Variants in CYP26B1 observed in about 807,000 individuals in gnomAD.
CYP26B1 encodes the protein cytochrome P450 26B1.
In CYP26B1, 8 loss-of-function variants were observed where a neutral mutation model predicts 39.1. That is an observed-to-expected ratio of 0.20 (90% confidence interval 0.12 to 0.37). The LOEUF (loss-of-function observed/expected upper bound fraction) is 0.37, where lower values mean the gene tolerates loss of function less well. CYP26B1 is among the 10% of genes least tolerant of loss of function. CYP26B1 has a pLI of 1.00. For synonymous variants in CYP26B1, 321 were observed against 314.3 expected (o/e 1.02, Z -0.23); for missense variants, 615 against 707.0 (o/e 0.87, Z 1.48).
chr2:72,140,200 C>T lies in CYP26B1; in HGVS notation c.429+3789G>A, dbSNP rs188514055. On this transcript the variant is annotated intron_variant, in intron 2 of 5. Coordinates refer to ENST00000001146, the MANE Select transcript of CYP26B1 (RefSeq NM_019885.4). ...GAAGGACACAGAAAGGAGGGACAGA[C>T]GGAAGGGCTGGCCCCTGAATCCAGG... 2.9e-3 allele frequency among the ~76,000 whole-genome samples: 443 copies of T among 152,318 alleles called. 3 individuals carry two copies. Among genetic ancestry groups the T allele is most frequent in the African/African-American group, 0.01 (428 of 41,570 alleles).
intron 2 of CYP26B1, among the ~76,000 whole-genome samples, chr2:72,142,717 CTA>C (rs1289590081): frequency 2.0e-5 from 3 of 152,188 alleles, no homozygotes; most frequent in African/African-American, 7.2e-5. Context: ...ATTCTGAAGC[CTA>C]CAGCCCCTTC....
intron 1 of CYP26B1, chr2:72,144,506 A>T (rs1187815613): frequency 6.0e-6 from 7 of 1,175,462 alleles, no homozygotes; most frequent in Non-Finnish European, 7.4e-6. Flanking sequence ...GCTGGACCCG[A>T]AGCGGGAGTC....
intron 1 of CYP26B1, among the ~76,000 whole-genome samples, chr2:72,146,520 G>T (rs2104105091): frequency 6.6e-6 from 1 of 152,364 alleles, no homozygotes; most frequent in East Asian, 1.9e-4. Flanking sequence ...TCGTCCCGGG[G>T]CAGGGTGAGT....
intron 4 of CYP26B1, among the ~76,000 whole-genome samples, chr2:72,134,132 G>C (rs542005050): frequency 6.6e-6 from 1 of 152,352 alleles, no homozygotes; most frequent in East Asian, 1.9e-4. Context: ...CTAGAATATG[G>C]GGAGGCAAAG....
Position 72,132,289 on chromosome 2 carries a change from G to A in CYP26B1, c.1477C>T (p.Leu493=). 1 of 1,606,360 alleles carries A rather than the reference G, an allele frequency of 6.2e-7. No individual in the cohort carries two copies. Among genetic ancestry groups the A allele is most frequent in the Non-Finnish European group, 8.5e-7 (1 of 1,176,738 alleles). ...AGGATCTCGTTCTGGTTGGAGTCCA[G>A]GCCAAAGAACTTGACGCTGAGGCCA... ...VDGLSVKFFG[L]DSNQNEILPE... is the part of the protein sequence containing the mutation. Residue 493 remains leucine, a synonymous_variant, in exon 6 of 6, where the codon CTG becomes TTG. Transcript: ENST00000001146.
intron 3 of CYP26B1, 80 bp downstream of exon 3, chr2:72,135,064 G>T: frequency 1.2e-6 from 2 of 1,605,860 alleles, no homozygotes; most frequent in Non-Finnish European, 8.5e-7. Flanking sequence ...CCCATCTCAG[G>T]GGTCAGGTCA....
rs1237868646 is a variant in CYP26B1, at chr2:72,147,238, A to G, written c.204+393T>C. On this transcript the variant is annotated intron_variant, in intron 1 of 5. Transcript: ENST00000001146. This position sits in a 1 kb window ranked among gnomAD's most constrained non-coding sequence, Gnocchi z 6.1. ...CGACACAGCCAACCCCAGAAAGCCG[A>G]GGGCGACTGGGGGCTTGCAGCACCG... Among the ~76,000 whole-genome samples, 1 of 152,104 alleles carries G rather than the reference A, an allele frequency of 6.6e-6. No homozygotes were observed. Among genetic ancestry groups the G allele is most frequent in the Non-Finnish European group, 1.5e-5 (1 of 68,016 alleles).
At chr2:72,143,220 G>A (rs536455024) in intron 2 of CYP26B1, 44 of 153,152 alleles carry the variant, frequency 2.9e-4, no homozygotes, top group African/African-American at 1.1e-3. Flanking sequence ...TCCGCTTTCG[G>A]GTTACTGCAG....
chr2:72,132,261 G>C lies in CYP26B1; in HGVS notation c.1505C>G (p.Pro502Arg), dbSNP rs375261360. ...GLDSNQNEIL[P>R]ETEAMLSATV ...GGCGCTCAGCATGGCCTCCGTCTCCGGCAGGATCTCGTTCTGGTTGGAGTC... is the reference window on the plus strand; with the variant it reads ...GGCGCTCAGCATGGCCTCCGTCTCCCGCAGGATCTCGTTCTGGTTGGAGTC... The change falls in exon 6 of 6, where the codon CCG (proline) becomes CGG (arginine). Residue 502 changes from proline to arginine, a missense_variant. Physicochemically the swap from Pro to Arg is moderately radical, Grantham distance 103. Transcript: ENST00000001146. The C allele has an allele frequency of 1.2e-6, 2 of 1,604,426 alleles. No individual in the cohort carries two copies. The highest frequency in any genetic ancestry group is 1.7e-5 in the Admixed American group (1 of 58,376).
At chr2:72,132,772 G>T (rs1026403764) in intron 5 of CYP26B1, among the ~76,000 whole-genome samples, 153 bp from the exon 6 acceptor site, 2 of 152,230 alleles carry the variant, frequency 1.3e-5, no homozygotes, top group African/African-American at 4.8e-5. Flanking sequence ...TGGCCAGCCT[G>T]CCCCATTCAG....
chr2:72,145,377 A>G (rs1677093541), intron 1 of CYP26B1, among the ~76,000 whole-genome samples: 1 of 152,164 alleles, frequency 6.6e-6, no homozygotes, highest in Non-Finnish European at 1.5e-5. Flanking sequence ...CCGGCGCGCG[A>G]CGGGGAACGA....
chr2:72,143,674 C>T (rs1677022228), intron 2 of CYP26B1, among the ~76,000 whole-genome samples: 1 of 152,262 alleles, frequency 6.6e-6, no homozygotes, highest in South Asian at 2.1e-4. Flanking sequence ...CTGTCCCGCC[C>T]CCTTCTTTTT....
At position 72,135,414 on chromosome 2, in the gene CYP26B1, G is replaced by T; in HGVS notation, c.435C>A (p.Phe145Leu). The change falls in exon 3 of 6, where the codon TTC (phenylalanine) becomes TTA (leucine). Residue 145 changes from phenylalanine to leucine, a missense_variant. Transcript: ENST00000001146. ...GDIHRNKRKV[F>L]SKIFSHEALE... ...GGGCCTCGTGGCTGAAGATCTTGGA[G>T]AAGACCTGGAAGGCAGAGAGGCAAG... is the stretch of plus-strand genomic sequence containing the variant. The T allele has an allele frequency of 1.2e-6, 2 of 1,609,830 alleles. No individual in the cohort carries two copies.
chr2:72,140,482 C>T (rs1364622265), intron 2 of CYP26B1, among the ~76,000 whole-genome samples: 4 of 152,264 alleles, frequency 2.6e-5, no homozygotes, highest in Non-Finnish European at 5.9e-5. Flanking sequence ...AGCAGAGCTG[C>T]CTGGCTGTGC....
chr2:72,135,670 C>A (rs1676750860), intron 2 of CYP26B1, among the ~76,000 whole-genome samples: 1 of 152,144 alleles, frequency 6.6e-6, no homozygotes. Flanking sequence ...ATTTCGGAAT[C>A]CCGGGACACA....
intron 3 of CYP26B1, 27 bp from the exon 4 acceptor site, chr2:72,134,943 A>G (rs762412215): frequency 3.1e-5 from 50 of 1,612,004 alleles, no homozygotes; most frequent in Admixed American, 5.0e-5. Context: ...TGTCACTCAT[A>G]TGGAAGGGCA....
intron 4 of CYP26B1, 42 bp downstream of exon 4, chr2:72,134,719 T>TGGGTGC: frequency 6.3e-7 from 1 of 1,589,780 alleles, no homozygotes; most frequent in Non-Finnish European, 8.6e-7. Flanking sequence ...GAATGGAGCC[T>TGGGTGC]GGGTGCTGGT....
intron 4 of CYP26B1, among the ~76,000 whole-genome samples, chr2:72,134,011 T>C (rs1676680624): frequency 6.6e-6 from 1 of 152,180 alleles, no homozygotes; most frequent in African/African-American, 2.4e-5. Context: ...GAGAGGGCAA[T>C]GAAGGGACCT....
rs1677161075 is a variant in CYP26B1 at position 72,147,722 on chromosome 2, G to T, written c.113C>A (p.Ala38Asp). ...VSQQLWQLRW[A>D]ATRDKSCKLP... ...CTTGCAGCTCTTGTCGCGAGTGGCG[G>T]CCCAGCGCAGCTGCCACAGCTGCTG... Residue 38 changes from alanine (A) to aspartate (D), a missense_variant, in exon 1 of 6, where the codon GCC (alanine) becomes GAC (aspartate). Physicochemically the swap from Ala to Asp is moderately radical, Grantham distance 126. Transcript: ENST00000001146. The surrounding 1 kb of genome is among the most constrained non-coding windows in gnomAD (Gnocchi z 6.1). 1.3e-6 allele frequency: 2 copies of T among 1,596,584 alleles called. No homozygotes were observed. The highest frequency in any genetic ancestry group is 2.3e-5 in the East Asian group (1 of 43,660).
Sources: gnomAD v4.1 joint callset for allele counts (sites outside exome capture counted in the v4.1 genomes callset) on GRCh38, gnomAD v4.1.1 for gene constraint, Gnocchi (gnomAD v3.1) non-coding constraint, MANE v1.5 for transcripts, NCBI Gene and HGNC (gene_info 2026-07-23, HGNC 2026-07-21) for gene names.